ANKHD1: variants seen among roughly 807,000 people sequenced by gnomAD.
The protein encoded by ANKHD1 is ankyrin repeat and KH domain-containing protein 1.
Under a neutral mutation model 230.5 loss-of-function variants are expected in ANKHD1, and 31 were observed. The ratio of observed to expected loss-of-function variants is 0.13; its 90% CI spans 0.10 to 0.18. The LOEUF (loss-of-function observed/expected upper bound fraction) is 0.18. Among genes scored for constraint, ANKHD1 ranks in the 10% least tolerant of loss-of-function variants. ANKHD1 has a pLI of 1.00. For synonymous variants in ANKHD1, 1,074 were observed against 1,117.6 expected, an observed-to-expected ratio of 0.96 and a Z score of 0.78; for missense variants, 2,256 against 3,071.3, an observed-to-expected ratio of 0.73 and a Z score of 6.27.
intron 14 of ANKHD1, among the ~76,000 whole-genome samples, chr5:140,491,160 A>ATATATATAT (rs1282293062): frequency 6.6e-5 from 3 of 45,658 alleles, no homozygotes; most frequent in Non-Finnish European, 1.1e-4. Flanking sequence ...ATATATATAT[A>ATATATATAT]TTTTTTTTTT....
intron 24 of ANKHD1, among the ~76,000 whole-genome samples, chr5:140,514,179 C>T (rs1407531819): frequency 2.1e-5 from 3 of 139,656 alleles, no homozygotes; most frequent in South Asian, 4.7e-4. Context: ...TCGAGACTCT[C>T]TCTCTATTAA....
chr5:140,513,019 G>T, intron 23 of ANKHD1, 96 bp downstream of exon 23: 1 of 1,246,816 alleles, frequency 8.0e-7, no homozygotes, highest in South Asian at 1.5e-5. Context: ...TATTCTGAAA[G>T]GTTGGTCACC....
At chr5:140,491,139 C>CACACATATAT (rs1460352213) in intron 14 of ANKHD1, among the ~76,000 whole-genome samples, 29 of 56,354 alleles carry the variant, frequency 5.1e-4, no homozygotes, top group Admixed American at 1.3e-3. Context: ...TATATATACA[C>CACACATATAT]ATATATATAT....
In ANKHD1 at chr5:140,529,796, G is replaced by A. The variant is rs1753733703; in HGVS notation, c.6850G>A (p.Gly2284Arg). 6.2e-7 allele frequency: 1 copy of A among 1,613,236 alleles called. No homozygotes were observed. Among genetic ancestry groups the A allele is most frequent in the African/African-American group, 1.3e-5 (1 of 74,986 alleles). The change falls in exon 29 of 34, where the codon GGG (glycine) becomes AGG (arginine). Residue 2284 changes from glycine to arginine, a missense_variant and splice_region_variant. By Grantham distance (125) the Gly-to-Arg change is moderately radical (BLOSUM62 -2). This residue lies in a region of ANKHD1 where 778 missense variants were observed against 966.5 expected (regional missense o/e 0.80). Coordinates refer to ENST00000360839, the MANE Select transcript of ANKHD1 (RefSeq NM_017747.3). ...PSQRVSTSPV[G>R]LPSIDPSGSS... Reference sequence around the variant, plus strand: ...CCAGCGAGTTTCTACTAGTCCAGTTGGTAAGTTATTAACTATTGCTGCAGT... The same window carrying A: ...CCAGCGAGTTTCTACTAGTCCAGTTAGTAAGTTATTAACTATTGCTGCAGT...
At chr5:140,402,452 C>G (rs968211538) in intron 1 of ANKHD1, among the ~76,000 whole-genome samples, 179 bp downstream of exon 1, 5 of 152,198 alleles carry the variant, frequency 3.3e-5, no homozygotes, top group African/African-American at 7.2e-5. Context: ...CTCTTTAGCT[C>G]GAGCGGGACA....
chr5:140,418,177 C>T (rs1194330652), intron 1 of ANKHD1, among the ~76,000 whole-genome samples: 1 of 145,018 alleles, frequency 6.9e-6, no homozygotes, highest in Non-Finnish European at 1.5e-5. Flanking sequence ...GATAGGATCT[C>T]ACTGTCACCT....
At position 140,402,117 on chromosome 5, in the gene ANKHD1, C is replaced by A. The variant is rs1470134055; in HGVS notation, c.150C>A (p.Ala50=). 3.9e-6 allele frequency: 6 copies of A among 1,537,932 alleles called. No homozygotes were observed. The highest frequency in any genetic ancestry group is 4.4e-6 in the Non-Finnish European group (5 of 1,146,430). ...GCACCGTGAGGCTCTTTGGGGAGGC[C>A]GGGCCAGCGTCGGGAGTCGGCAGCA... ...GIRTVRLFGE[A]GPASGVGSSG... Residue 50 remains alanine (A), a synonymous_variant, in exon 1 of 34, where the codon GCC becomes GCA. Coordinates refer to ENST00000360839, the MANE Select transcript of ANKHD1 (RefSeq NM_017747.3).
Position 140,506,829 on chromosome 5 carries a change from T to C in ANKHD1, c.3409-6T>C, listed in dbSNP as rs1291016091. 1 of 1,613,948 alleles carries C rather than the reference T, an allele frequency of 6.2e-7. No homozygotes were observed. Among genetic ancestry groups the C allele is most frequent in the Non-Finnish European group, 8.5e-7 (1 of 1,179,932 alleles). The stretch of plus-strand genomic sequence containing the variant: ...CTCTCTTCTCTATCCATATTTTACT[T>C]TGTAGGTGGTAGACTTGCTGCTGGC... On this transcript the variant is annotated splice_polypyrimidine_tract_variant and splice_region_variant and intron_variant, in intron 18 of 33. Coordinates refer to ENST00000360839, the MANE Select transcript of ANKHD1 (RefSeq NM_017747.3). This position sits in a 1 kb window ranked among gnomAD's most constrained non-coding sequence, Gnocchi z 4.7.
intron 25 of ANKHD1, among the ~76,000 whole-genome samples, chr5:140,525,577 T>C (rs1017922214): frequency 1.3e-5 from 2 of 152,122 alleles, no homozygotes; most frequent in African/African-American, 4.8e-5. Context: ...CAGTAAAAGA[T>C]TTCTTTATTT....
intron 24 of ANKHD1, among the ~76,000 whole-genome samples, chr5:140,514,039 G>T (rs1043071405): frequency 6.6e-6 from 1 of 151,678 alleles, no homozygotes; most frequent in East Asian, 2.0e-4. Context: ...TTAAAAAACA[G>T]TTGGGCATGG....
intron 33 of ANKHD1, 109 bp from the exon 34 acceptor site, chr5:140,539,250 G>A: frequency 6.4e-7 from 1 of 1,573,006 alleles, no homozygotes; most frequent in Middle Eastern, 1.7e-4. Flanking sequence ...TAATATATGT[G>A]TATTCTTCCT....
chr5:140,422,653 C>CA (rs1772080462), intron 1 of ANKHD1, among the ~76,000 whole-genome samples: 3 of 150,980 alleles, frequency 2.0e-5, no homozygotes, highest in African/African-American at 7.3e-5. Flanking sequence ...ACTAAAAATA[C>CA]AAAAAATTTA....
Position 140,441,701 on chromosome 5 carries a change from G to T in ANKHD1, c.913+559G>T, listed in dbSNP as rs528595848. Among the ~76,000 whole-genome samples the T allele has an allele frequency of 2.0e-5, 3 of 152,234 alleles. No individual in the cohort carries two copies. The East Asian group carries it at 5.8e-4, about 29-fold the overall frequency. On this transcript the variant is annotated intron_variant, in intron 5 of 33. Transcript: ENST00000360839. ...AGTCAAAAAGCTTGATGTATAACAT[G>T]AGGACTATAATTAATAATAGTGTAT...
chr5:140,450,651 C>T (rs955073714), intron 7 of ANKHD1, among the ~76,000 whole-genome samples: 8 of 152,184 alleles, frequency 5.3e-5, no homozygotes, highest in African/African-American at 7.2e-5. Context: ...GCAGTCCTCT[C>T]GCCTCAGCTT....
chr5:140,480,843 A>G (rs1408477409), intron 10 of ANKHD1, among the ~76,000 whole-genome samples: 1 of 152,122 alleles, frequency 6.6e-6, no homozygotes, highest in African/African-American at 2.4e-5. Flanking sequence ...AAAAAAAGAC[A>G]AGATCATTCC....
At chr5:140,454,409 A>T (rs1303096037) in intron 7 of ANKHD1, among the ~76,000 whole-genome samples, 1 of 152,210 alleles carries the variant, frequency 6.6e-6, no homozygotes, top group East Asian at 1.9e-4. Flanking sequence ...CAGAATATAC[A>T]TTCTTCTCAG....
intron 1 of ANKHD1, among the ~76,000 whole-genome samples, chr5:140,420,147 C>T (rs1011650538): frequency 1.3e-5 from 2 of 150,504 alleles, no homozygotes; most frequent in Non-Finnish European, 3.0e-5. Flanking sequence ...TGCACACCAC[C>T]ATGCCCAGCT....
At chr5:140,512,486 T>C (rs1207435062) in intron 22 of ANKHD1, among the ~76,000 whole-genome samples, 3 of 152,174 alleles carry the variant, frequency 2.0e-5, no homozygotes, top group African/African-American at 7.2e-5. Context: ...GTTTAATAGA[T>C]TTATTCTAGG....
chr5:140,525,711 T>C (rs1753573366), intron 25 of ANKHD1, among the ~76,000 whole-genome samples: 1 of 151,650 alleles, frequency 6.6e-6, no homozygotes, highest in African/African-American at 2.4e-5. Context: ...CTACTAAAAG[T>C]ACAAAAATTA....
Sources: allele counts gnomAD v4.1 joint callset (sites outside exome capture counted in the v4.1 genomes callset), GRCh38; gene constraint gnomAD v4.1.1; regional missense constraint gnomAD v4.1.1; non-coding constraint Gnocchi (gnomAD v3.1); transcripts MANE v1.5; gene names NCBI Gene and HGNC (gene_info 2026-07-23, HGNC 2026-07-21).